The following DPP9 variants were observed in gnomAD, a reference collection of about 807,000 sequenced individuals.
The protein encoded by DPP9 is dipeptidyl peptidase 9, also known as dipeptidyl peptidase IV-related protein-2.
Under a neutral mutation model 110.7 loss-of-function variants are expected in DPP9, and 50 were observed. The observed-to-expected ratio is 0.45, with a 90% CI of 0.36 to 0.57. DPP9 has a LOEUF of 0.57. Among genes scored for constraint, DPP9 ranks in the 20% least tolerant of loss-of-function variants. DPP9 has a pLI of 0.00. For missense variants in DPP9, 1,022 were observed against 1,217.9 expected, an observed-to-expected ratio of 0.84 and a Z score of 2.39; for synonymous variants, 561 against 514.4, an observed-to-expected ratio of 1.09 and a Z score of -1.23.
At chr19:4,699,114 A>G (rs113094386) in intron 10 of DPP9, among the ~76,000 whole-genome samples, 6,999 of 144,014 alleles carry the variant, frequency 0.049, 562 homozygotes, top group African/African-American at 0.17. Context: ...AGCAGAGATC[A>G]CGCCACTGCA....
Position 4,689,561 on chromosome 19 carries a change from C to T in DPP9, c.1749+9G>A, listed in dbSNP as rs372150175. ...CACAGGGCGGTGCCGTGAGGCTGGG[C>T]GGTCCCACCTGGCTCATGGAGCAGC... On this transcript the variant is annotated intron_variant, in intron 15 of 21. Transcript: ENST00000262960. The surrounding 1 kb of genome is among the most constrained non-coding windows in gnomAD (Gnocchi z 7.0). 2.4e-5 allele frequency: 38 copies of T among 1,552,296 alleles called. 1 individual carries two copies. The African/African-American group carries it at 2.7e-4, about 11-fold the overall frequency.
intron 7 of DPP9, among the ~76,000 whole-genome samples, chr19:4,703,313 G>A (rs1433524179): frequency 6.6e-6 from 1 of 152,144 alleles, no homozygotes; most frequent in Non-Finnish European, 1.5e-5. Context: ...CCGTGGCTGG[G>A]CTGACGCCTG....
At chr19:4,719,159 C>A (rs905763649) in intron 3 of DPP9, 40 of 151,968 alleles carry the variant, frequency 2.6e-4, no homozygotes, top group African/African-American at 9.4e-4. Flanking sequence ...GAAACCCCGT[C>A]TCTACTAAAA....
At chr19:4,708,474 G>A (rs1263509267) in intron 4 of DPP9, among the ~76,000 whole-genome samples, 2 of 152,188 alleles carry the variant, frequency 1.3e-5, no homozygotes, top group Non-Finnish European at 2.9e-5. Flanking sequence ...CTGTAGCTGT[G>A]GGTTCAGTGG....
In DPP9 at chr19:4,718,379, G is replaced by A. The variant is rs1325106099; in HGVS notation, c.56+1472C>T. On this transcript the variant is annotated intron_variant, in intron 3 of 21. Coordinates refer to ENST00000262960, the MANE Select transcript of DPP9 (RefSeq NM_139159.5). The surrounding 1 kb of genome is among the most constrained non-coding windows in gnomAD (Gnocchi z 4.3). ...TTCAGGCCGACCACAAGGTGATAAG[G>A]CAGAAAGAAAGGTGGGAGCCCCTGG... Among the ~76,000 whole-genome samples, 1 of 152,200 alleles carries A rather than the reference G, an allele frequency of 6.6e-6. No homozygotes were observed. Among genetic ancestry groups the A allele is most frequent in the Non-Finnish European group, 1.5e-5 (1 of 68,046 alleles).
intron 16 of DPP9, among the ~76,000 whole-genome samples, chr19:4,686,869 G>A (rs569451526): frequency 1.4e-4 from 21 of 152,328 alleles, no homozygotes; most frequent in African/African-American, 4.6e-4. Context: ...GACACGCTCC[G>A]TGCTGTGTCT....
At position 4,718,212 on chromosome 19, in the gene DPP9, G is replaced by A. The variant is rs374570545; in HGVS notation, c.56+1639C>T. ...TGGGATGAGAGGGGTGCAAGCCACC[G>A]TGCCCAGCTCCAAAGCTCTGTGATG... is the stretch of plus-strand genomic sequence containing the variant. On this transcript the variant is annotated intron_variant, in intron 3 of 21. Transcript: ENST00000262960. The surrounding 1 kb of genome is among the most constrained non-coding windows in gnomAD (Gnocchi z 4.3). Among the ~76,000 whole-genome samples, 27 of 152,232 alleles carry A rather than the reference G, an allele frequency of 1.8e-4. No homozygotes were observed. In the East Asian group the frequency reaches 2.7e-3, roughly 15 times the overall value.
intron 8 of DPP9, 86 bp from the exon 9 acceptor site, chr19:4,702,241 G>T (rs1599918091): frequency 2.7e-6 from 4 of 1,489,560 alleles, no homozygotes; most frequent in Non-Finnish European, 2.7e-6. Flanking sequence ...CAGCACCGGG[G>T]CCTGAAGATG....
rs1255382226 is a variant in DPP9, at chr19:4,723,748, C to T, written c.-163G>A. On this transcript the variant is annotated 5_prime_UTR_variant, in exon 1 of 22. Transcript: ENST00000262960. ...GCGCCTCACGGTCGCGGCTCCATGC[C>T]CGGGACTGCGACCCCGGAAGTGGCG... The T allele has an allele frequency of 6.5e-6, 1 of 154,364 alleles. No homozygotes were observed. The highest frequency in any genetic ancestry group is 1.5e-5 in the Non-Finnish European group (1 of 68,362). 9.6% of individuals were successfully genotyped at this position (154,364 alleles called of 1,614,324 possible).
At chr19:4,683,756 T>C (rs752108527) in intron 18 of DPP9, 127 bp from the exon 19 acceptor site, 14 of 1,592,120 alleles carry the variant, frequency 8.8e-6, no homozygotes, top group Middle Eastern at 1.7e-4. Flanking sequence ...GGAAGCCCCC[T>C]GTCCTTCCAG....
chr19:4,716,396 G>A (rs369641796), intron 3 of DPP9, among the ~76,000 whole-genome samples: 6 of 152,100 alleles, frequency 3.9e-5, no homozygotes, highest in African/African-American at 1.2e-4. Flanking sequence ...TCAGCACTTC[G>A]GGAGGCCAAG....
chr19:4,682,715 C>A lies in DPP9; in HGVS notation c.2455G>T (p.Val819Leu), dbSNP rs200615314. ...GYEAGSVALH[V>L]EKLPNEPNRL... ...CCTTACTCATTGGGCAGCTTCTCCA[C>A]GTGCAGGGCCACGGAACCCGCCTCA... Residue 819 changes from valine (V) to leucine (L), a missense_variant, in exon 20 of 22, where the codon GTG (valine) becomes TTG (leucine). By Grantham distance (32) the Val-to-Leu change is conservative (BLOSUM62 1). Coordinates refer to ENST00000262960, the MANE Select transcript of DPP9 (RefSeq NM_139159.5). The surrounding 1 kb of genome is among the most constrained non-coding windows in gnomAD (Gnocchi z 7.1). 2 of 1,609,766 alleles carry A rather than the reference C, an allele frequency of 1.2e-6. No individual in the cohort carries two copies. Among genetic ancestry groups the A allele is most frequent in the South Asian group, 1.1e-5 (1 of 90,118 alleles).
chr19:4,709,641 G>A (rs1339878316), intron 4 of DPP9, among the ~76,000 whole-genome samples: 1 of 152,170 alleles, frequency 6.6e-6, no homozygotes, highest in Non-Finnish European at 1.5e-5. Context: ...CGGGGCTTGG[G>A]AGTGATGGTT....
chr19:4,701,541 T>C (rs1161336961), intron 9 of DPP9, among the ~76,000 whole-genome samples: 1 of 152,264 alleles, frequency 6.6e-6, no homozygotes, highest in African/African-American at 2.4e-5. Flanking sequence ...TGTTTTTGTA[T>C]GGCTGAAAAT....
chr19:4,685,538 G>A lies in DPP9; in HGVS notation c.2031+88C>T. The A allele has an allele frequency of 7.2e-7, 1 of 1,388,938 alleles. No individual in the cohort carries two copies. The highest frequency in any genetic ancestry group is 1.3e-5 in the South Asian group (1 of 79,152). 86.0% of individuals were successfully genotyped at this position (1,388,938 alleles called of 1,614,324 possible). A position where few individuals can be genotyped will look rare whatever the true frequency, so the allele number is the denominator to read the frequency against. On this transcript the variant is annotated intron_variant, in intron 17 of 21. Coordinates refer to ENST00000262960, the MANE Select transcript of DPP9 (RefSeq NM_139159.5). The surrounding 1 kb of genome is among the most constrained non-coding windows in gnomAD (Gnocchi z 5.8). ...GGTAGCCGGGGAGCCTCCTCTGGTT[G>A]ACTGTTCTACAGCTGGCACTTGAGT...
intron 21 of DPP9, among the ~76,000 whole-genome samples, chr19:4,677,119 G>A (rs1006175768): frequency 7.2e-5 from 11 of 152,154 alleles, no homozygotes; most frequent in African/African-American, 2.7e-4. Context: ...GAGGATTTGT[G>A]AAGCATTTTC....
chr19:4,684,812 G>C lies in DPP9; in HGVS notation c.2032-3C>G. 6.3e-7 allele frequency: 1 copy of C among 1,588,710 alleles called. No homozygotes were observed. The highest frequency in any genetic ancestry group is 8.6e-7 in the Non-Finnish European group (1 of 1,168,376). On this transcript the variant is annotated splice_region_variant and splice_polypyrimidine_tract_variant and intron_variant, in intron 17 of 21. Transcript: ENST00000262960. The surrounding 1 kb of genome is among the most constrained non-coding windows in gnomAD (Gnocchi z 4.8). ...AAGGAGTTATTCACCAGCTGCACCT[G>C]TGGGGAGGTGAGGGCCAGCAGTCCA...
chr19:4,698,894 C>T lies in DPP9; in HGVS notation c.1075-1243G>A, dbSNP rs2092015671. On this transcript the variant is annotated intron_variant, in intron 10 of 21. Coordinates refer to ENST00000262960, the MANE Select transcript of DPP9 (RefSeq NM_139159.5). This position sits in a 1 kb window ranked among gnomAD's most constrained non-coding sequence, Gnocchi z 4.2. Reference sequence around the variant, plus strand: ...CAAAAGAAGGCCGGGTGTGGTGGCTCACACCTGTAATCCCAACACTTTGGG... The same window carrying T: ...CAAAAGAAGGCCGGGTGTGGTGGCTTACACCTGTAATCCCAACACTTTGGG... 6.6e-6 allele frequency among the ~76,000 whole-genome samples: 1 copy of T among 152,174 alleles called. No homozygotes were observed. Among genetic ancestry groups the T allele is most frequent in the Non-Finnish European group, 1.5e-5 (1 of 68,036 alleles).
rs771214024 is a variant in DPP9 at position 4,714,262 on chromosome 19, G to A, written c.132C>T (p.Ala44=). ...GTPTADRGDA[A]ATDDPAARFQ... ...AGCGGGCGGCCGGGTCATCTGTGGC[G>A]GCTGCGTCGCCTCGGTCGGCCGTTG... is the stretch of plus-strand genomic sequence containing the variant. Residue 44 remains alanine (A), a synonymous_variant, in exon 4 of 22, where the codon GCC becomes GCT. Coordinates refer to ENST00000262960, the MANE Select transcript of DPP9 (RefSeq NM_139159.5). 1.9e-4 allele frequency: 297 copies of A among 1,573,868 alleles called. 2 individuals carry two copies. Among genetic ancestry groups the A allele is most frequent in the East Asian group, 5.2e-4 (22 of 42,682 alleles).
Sources: gnomAD v4.1 joint callset for allele counts (sites outside exome capture counted in the v4.1 genomes callset) on GRCh38, gnomAD v4.1.1 for gene constraint, Gnocchi (gnomAD v3.1) non-coding constraint, MANE v1.5 for transcripts, NCBI Gene and HGNC (gene_info 2026-07-23, HGNC 2026-07-21) for gene names.